Variants in RASGRP3 observed in about 807,000 individuals in gnomAD.
RASGRP3 encodes RAS guanyl releasing protein 3.
RASGRP3 carries 54 observed loss-of-function variants against 82.7 expected under a neutral mutation model. The ratio of observed to expected loss-of-function variants is 0.65; its 90% CI spans 0.52 to 0.82. RASGRP3 has a LOEUF of 0.82. RASGRP3 is among the 40% of genes least tolerant of loss of function. The pLI, the probability that RASGRP3 is intolerant of heterozygous loss-of-function variation, is 0.00. For synonymous variants in RASGRP3, 309 were observed against 300.5 expected (o/e 1.03, Z -0.29); for missense variants, 861 against 828.9 (o/e 1.04, Z -0.48).
intron 13 of RASGRP3, among the ~76,000 whole-genome samples, chr2:33,544,020 T>TA (rs926658256): frequency 2.6e-5 from 4 of 152,126 alleles, no homozygotes; most frequent in East Asian, 1.9e-4. Context: ...ATGAAGATTT[T>TA]AAAAAAATTT....
intron 2 of RASGRP3, among the ~76,000 whole-genome samples, chr2:33,448,582 T>C (rs941637318): frequency 2.0e-5 from 3 of 152,182 alleles, no homozygotes; most frequent in Non-Finnish European, 1.5e-5. Context: ...AAATATTATA[T>C]GATTCCACTT....
chr2:33,487,144 A>G lies in RASGRP3; in HGVS notation c.-261+10437A>G, dbSNP rs111673175. On this transcript the variant is annotated intron_variant, in intron 1 of 17. Coordinates refer to ENST00000403687, the MANE Select transcript of RASGRP3 (RefSeq NM_001139488.2). ...TCATTCCATCCGTAAATATTTTAGT[A>G]TGTGTTTCTAAAAGATAAGTTCTCT... Among the ~76,000 whole-genome samples the G allele has an allele frequency of 6.2e-3, 946 of 152,260 alleles. 10 individuals are homozygous for G. The highest frequency in any genetic ancestry group is 0.022 in the African/African-American group (904 of 41,546).
intron 1 of RASGRP3, 101 bp downstream of exon 1, chr2:33,476,808 A>T (rs1408635149): frequency 9.0e-6 from 1 of 111,296 alleles, no homozygotes; most frequent in African/African-American, 4.7e-5. Flanking sequence ...GCAAGCCACC[A>T]ACAACTTTTG....
chr2:33,563,063 GATACTCAGTC>G lies in RASGRP3; in HGVS notation c.*327_*336del. 3.1e-6 allele frequency: 1 copy of G among 327,814 alleles called. No individual in the cohort carries two copies. Among genetic ancestry groups the G allele is most frequent in the Non-Finnish European group, 5.5e-6 (1 of 181,854 alleles). 20.3% of individuals were successfully genotyped at this position (327,814 alleles called of 1,614,324 possible). ...AATGAAAGCTTTTTTGCATGTACTT[GATACTCAGTC>G]TGTAAACTCAGACTTCGCTTTTTTT... On this transcript the variant is annotated 3_prime_UTR_variant, in exon 18 of 18. Coordinates refer to ENST00000403687, the MANE Select transcript of RASGRP3 (RefSeq NM_001139488.2).
Position 33,527,134 on chromosome 2 carries a change from C to T in RASGRP3, c.808-3C>T, listed in dbSNP as rs369607416. 1.1e-5 allele frequency: 17 copies of T among 1,613,588 alleles called. No homozygotes were observed. Among genetic ancestry groups the T allele is most frequent in the Admixed American group, 3.3e-5 (2 of 59,984 alleles). Reference sequence around the variant, plus strand: ...AAAATTCTACTTTTCCATCTGTTCCCAGAACTGGAATGAAATGACAGAGTT... The same window carrying T: ...AAAATTCTACTTTTCCATCTGTTCCTAGAACTGGAATGAAATGACAGAGTT... On this transcript the variant is annotated splice_region_variant and splice_polypyrimidine_tract_variant and intron_variant, in intron 9 of 17. Transcript: ENST00000403687.
chr2:33,455,844 G>T (rs951332265), intron 2 of RASGRP3, among the ~76,000 whole-genome samples: 3 of 152,138 alleles, frequency 2.0e-5, no homozygotes, highest in African/African-American at 4.8e-5. Context: ...GACACCTCCT[G>T]GGGGGAGGAA....
intron 1 of RASGRP3, among the ~76,000 whole-genome samples, chr2:33,437,868 T>C (rs1440909567): frequency 1.3e-5 from 2 of 151,974 alleles, no homozygotes; most frequent in Admixed American, 6.6e-5. Context: ...TCTGAATAAA[T>C]ATGATAGATC....
At chr2:33,545,286 T>C (rs749996740) in intron 13 of RASGRP3, among the ~76,000 whole-genome samples, 1 of 152,266 alleles carries the variant, frequency 6.6e-6, no homozygotes, top group Non-Finnish European at 1.5e-5. Flanking sequence ...GAGTGGTTAA[T>C]ACTGGAAAGT....
chr2:33,479,589 G>A (rs924266760), intron 1 of RASGRP3, among the ~76,000 whole-genome samples: 7 of 152,124 alleles, frequency 4.6e-5, no homozygotes, highest in African/African-American at 1.7e-4. Context: ...GGTGGGTCAC[G>A]GGGCAGGGGA....
chr2:33,545,009 T>G lies in RASGRP3; in HGVS notation c.1394+1382T>G, dbSNP rs534361292. On this transcript the variant is annotated intron_variant, in intron 13 of 17. Transcript: ENST00000403687. ...ATTAACTTCCTTTACAAAGTAAAAT[T>G]TAAATTGCCTGCTAACTACCCACTT... Among the ~76,000 whole-genome samples the G allele has an allele frequency of 5.9e-5, 9 of 152,310 alleles. No individual in the cohort carries two copies. The South Asian group carries it at 1.9e-3, about 32-fold the overall frequency.
intron 2 of RASGRP3, among the ~76,000 whole-genome samples, chr2:33,512,302 C>G (rs533371692): frequency 1.3e-5 from 2 of 152,198 alleles, no homozygotes; most frequent in Admixed American, 1.3e-4. Context: ...CTTCCCCAGA[C>G]AGCTCAGCTG....
At chr2:33,489,171 A>G (rs62147157) in intron 1 of RASGRP3, among the ~76,000 whole-genome samples, 8,534 of 152,292 alleles carry the variant, frequency 0.056, 270 homozygotes, top group South Asian at 0.12. Context: ...ACAGCCCTGC[A>G]TGACAATCAA....
At chr2:33,549,212 T>TA (rs993901613) in intron 13 of RASGRP3, among the ~76,000 whole-genome samples, 13 of 152,332 alleles carry the variant, frequency 8.5e-5, no homozygotes, top group African/African-American at 2.4e-4. Flanking sequence ...GCCCAGTTAT[T>TA]ACAGTTCTCT....
intron 13 of RASGRP3, among the ~76,000 whole-genome samples, chr2:33,544,942 C>T (rs1309478454): frequency 1.3e-5 from 2 of 151,930 alleles, no homozygotes; most frequent in Admixed American, 6.6e-5. Flanking sequence ...TCATTATATA[C>T]CCAGAACAAA....
intron 14 of RASGRP3, 78 bp from the exon 15 acceptor site, chr2:33,555,453 G>T: frequency 7.6e-7 from 1 of 1,311,204 alleles, no homozygotes; most frequent in Non-Finnish European, 1.1e-6. Context: ...AGCTTCCCAG[G>T]ACTTCCTTTT....
chr2:33,537,017 A>T (rs1673681171), intron 11 of RASGRP3, among the ~76,000 whole-genome samples: 1 of 152,112 alleles, frequency 6.6e-6, no homozygotes, highest in Non-Finnish European at 1.5e-5. Flanking sequence ...CCTTCTTGGT[A>T]CCTGAGTCCT....
chr2:33,524,000 C>T lies in RASGRP3; in HGVS notation c.638C>T (p.Pro213Leu), dbSNP rs900955931. ...GTCCAGTTGATGGTTCTTAGCAAAC[C>T]AACCCCCCAGCAAAGGGCAGAAGTC... ...KWVQLMVLSKPTPQQRAEVIT... is the reference protein window; with the variant it reads ...KWVQLMVLSKLTPQQRAEVIT... Residue 213 changes from proline to leucine, a missense_variant, in exon 8 of 18, where the codon CCA becomes CTA. By Grantham distance (98) the Pro-to-Leu change is moderately conservative (BLOSUM62 -3). Transcript: ENST00000403687. 11 of 1,613,864 alleles carry T rather than the reference C, an allele frequency of 6.8e-6. No homozygotes were observed. In the South Asian group the frequency reaches 9.9e-5, roughly 14 times the overall value.
chr2:33,460,619 A>T (rs1666306085), intron 2 of RASGRP3, among the ~76,000 whole-genome samples: 1 of 151,782 alleles, frequency 6.6e-6, no homozygotes, highest in Non-Finnish European at 1.5e-5. Context: ...TGTTCAAGCA[A>T]TTCTCCTACC....
At chr2:33,542,885 G>A (rs1377246413) in intron 12 of RASGRP3, among the ~76,000 whole-genome samples, 1 of 151,994 alleles carries the variant, frequency 6.6e-6, no homozygotes, top group African/African-American at 2.4e-5. Flanking sequence ...TAGCGATGGG[G>A]TTTCATCATG....
Sources: allele counts gnomAD v4.1 joint callset (sites outside exome capture counted in the v4.1 genomes callset), GRCh38; gene constraint gnomAD v4.1.1; transcripts MANE v1.5; gene names NCBI Gene and HGNC (gene_info 2026-07-23, HGNC 2026-07-21).